The following LHFPL3 variants were observed in gnomAD, a reference collection of about 807,000 sequenced individuals.
LHFPL3 encodes LHFPL tetraspan subfamily member 3 protein.
LHFPL3 carries 5 observed loss-of-function variants against 19.3 expected under a neutral mutation model. The ratio of observed to expected loss-of-function variants is 0.26; its 90% confidence interval spans 0.14 to 0.54. The LOEUF (loss-of-function observed/expected upper bound fraction) is 0.54. Among genes scored for constraint, LHFPL3 ranks in the 20% least tolerant of loss-of-function variants. The pLI is 0.94. For missense variants in LHFPL3, 249 were observed against 307.4 expected (o/e 0.81, Z 1.42); for synonymous variants, 133 against 126.2 (o/e 1.05, Z -0.36).
intron 1 of LHFPL3, among the ~76,000 whole-genome samples, chr7:104,557,537 G>A (rs900998128): frequency 6.6e-6 from 1 of 152,086 alleles, no homozygotes; most frequent in Admixed American, 6.5e-5. Context: ...CACAACACAT[G>A]GGAATTGTGG....
intron 1 of LHFPL3, among the ~76,000 whole-genome samples, chr7:104,338,256 G>T (rs922637448): frequency 1.3e-5 from 2 of 151,554 alleles, no homozygotes; most frequent in East Asian, 3.9e-4. Flanking sequence ...CCGCCACCAC[G>T]CCCGATTAAT....
intron 1 of LHFPL3, among the ~76,000 whole-genome samples, chr7:104,392,824 T>C (rs1280844785): frequency 1.3e-5 from 2 of 152,174 alleles, no homozygotes; most frequent in Non-Finnish European, 2.9e-5. Context: ...CCTGGACTTT[T>C]CTTTGGTTGG....
chr7:104,715,930 T>C (rs1162518535), intron 1 of LHFPL3, among the ~76,000 whole-genome samples: 1 of 152,208 alleles, frequency 6.6e-6, no homozygotes, highest in African/African-American at 2.4e-5. Context: ...AAGTGTTCCC[T>C]CTTCTTTGAT....
At position 104,375,177 on chromosome 7, in the gene LHFPL3, G is replaced by A. The variant is rs181024162; in HGVS notation, c.445+45953G>A. Among the ~76,000 whole-genome samples, 130 of 151,930 alleles carry A rather than the reference G, an allele frequency of 8.6e-4. 2 individuals are homozygous for A. In the East Asian group the frequency reaches 0.024, roughly 28 times the overall value. On this transcript the variant is annotated intron_variant, in intron 1 of 2. Transcript: ENST00000424859. The stretch of plus-strand genomic sequence containing the variant: ...AACATGGTGAAACCCCGTCTCTACT[G>A]AAAATACAAAAATTAGCTGGGTGTG...
At chr7:104,747,972 A>T (rs978008573) in intron 2 of LHFPL3, among the ~76,000 whole-genome samples, 9 of 152,148 alleles carry the variant, frequency 5.9e-5, no homozygotes, top group African/African-American at 1.9e-4. Flanking sequence ...GTGTAGAAAG[A>T]AGTAGACATA....
At chr7:104,345,410 T>C (rs1790046318) in intron 1 of LHFPL3, among the ~76,000 whole-genome samples, 1 of 152,184 alleles carries the variant, frequency 6.6e-6, no homozygotes, top group Admixed American at 6.5e-5. Flanking sequence ...AGTCTCTTGT[T>C]CTTTTTCTAA....
intron 1 of LHFPL3, among the ~76,000 whole-genome samples, chr7:104,620,461 C>T (rs1791424294): frequency 6.6e-6 from 1 of 152,190 alleles, no homozygotes. Flanking sequence ...ACAACTTTTG[C>T]TTCCACATAA....
At chr7:104,755,517 GTCTC>G (rs1794265171) in intron 2 of LHFPL3, among the ~76,000 whole-genome samples, 1 of 151,880 alleles carries the variant, frequency 6.6e-6, no homozygotes, top group Non-Finnish European at 1.5e-5. Flanking sequence ...AGTTCTCTCT[GTCTC>G]TCTGTCTGTC....
At chr7:104,792,826 C>T (rs557202712) in intron 2 of LHFPL3, among the ~76,000 whole-genome samples, 7 of 152,254 alleles carry the variant, frequency 4.6e-5, no homozygotes, top group African/African-American at 1.7e-4. Flanking sequence ...GGATGTGTGA[C>T]CAAAAGATGG....
At chr7:104,766,193 G>C (rs1794453490) in intron 2 of LHFPL3, among the ~76,000 whole-genome samples, 1 of 152,178 alleles carries the variant, frequency 6.6e-6, no homozygotes. Flanking sequence ...GAGAACAAAA[G>C]AAACTTTGTT....
chr7:104,361,345 GTTAC>G lies in LHFPL3; in HGVS notation c.445+32124_445+32127del, dbSNP rs1182548948. 4.6e-5 allele frequency among the ~76,000 whole-genome samples: 7 copies of G among 152,090 alleles called. No homozygotes were observed. The South Asian group carries it at 1.2e-3, about 27-fold the overall frequency. ...TTATAGATTCCTATTGATTTTTGTT[GTTAC>G]TTTAATCTGTGTTTGTGTGAAGGGC... On this transcript the variant is annotated intron_variant, in intron 1 of 2. Transcript: ENST00000424859.
chr7:104,840,505 TAGAGACCAGGGC>T, intron 2 of LHFPL3, among the ~76,000 whole-genome samples: 1 of 86,800 alleles, frequency 1.2e-5, no homozygotes. Context: ...TTTTTTTTTG[TAGAGACCAGGGC>T]CTTGTTGCCT....
intron 1 of LHFPL3, among the ~76,000 whole-genome samples, chr7:104,604,958 G>A (rs1336795390): frequency 2.6e-5 from 4 of 152,170 alleles, no homozygotes; most frequent in Non-Finnish European, 5.9e-5. Flanking sequence ...AGAATTAAAT[G>A]TACTTTACTG....
chr7:104,808,743 G>A (rs1014204284), intron 2 of LHFPL3, among the ~76,000 whole-genome samples: 6 of 152,138 alleles, frequency 3.9e-5, no homozygotes, highest in African/African-American at 1.4e-4. Context: ...TAAGGCCGGT[G>A]AGTCTAACAG....
chr7:104,495,252 C>T (rs1358235018), intron 1 of LHFPL3, among the ~76,000 whole-genome samples: 2 of 152,154 alleles, frequency 1.3e-5, no homozygotes, highest in Non-Finnish European at 1.5e-5. Context: ...CTGTTGCCAA[C>T]GTTGGAGTGC....
chr7:104,431,855 G>A (rs961856212), intron 1 of LHFPL3, among the ~76,000 whole-genome samples: 9 of 152,130 alleles, frequency 5.9e-5, no homozygotes, highest in African/African-American at 2.2e-4. Context: ...CTCTGTCTTA[G>A]ATTTCCCTAT....
chr7:104,520,387 A>G (rs1409859683), intron 1 of LHFPL3, among the ~76,000 whole-genome samples: 371 of 146,714 alleles, frequency 2.5e-3, no homozygotes, highest in African/African-American at 8.8e-3. Context: ...ATGTTCATCA[A>G]GGATATTGGT....
At chr7:104,358,012 T>A (rs1249108935) in intron 1 of LHFPL3, among the ~76,000 whole-genome samples, 2 of 152,098 alleles carry the variant, frequency 1.3e-5, no homozygotes, top group African/African-American at 4.8e-5. Flanking sequence ...GGGAAGGTAA[T>A]ATAAACAATG....
chr7:104,680,146 G>A (rs901640626), intron 1 of LHFPL3, among the ~76,000 whole-genome samples: 2 of 152,164 alleles, frequency 1.3e-5, no homozygotes, highest in Non-Finnish European at 1.5e-5. Context: ...TGAGCTGAAC[G>A]TGAAGGACAG....
Sources: gnomAD v4.1 joint callset for allele counts (sites outside exome capture counted in the v4.1 genomes callset) on GRCh38, gnomAD v4.1.1 for gene constraint, MANE v1.5 for transcripts, NCBI Gene and HGNC (gene_info 2026-07-23, HGNC 2026-07-21) for gene names.